TAFA1: variants seen among roughly 807,000 people sequenced by gnomAD.
TAFA1 encodes the protein chemokine-like protein TAFA-1.
In TAFA1, 4 loss-of-function variants were observed where a neutral mutation model predicts 18.5. The observed-to-expected ratio is 0.22, with a 90% CI of 0.11 to 0.49. The LOEUF (loss-of-function observed/expected upper bound fraction) is 0.49, where lower values mean the gene tolerates loss of function less well. TAFA1 is among the 20% of genes least tolerant of loss of function. The pLI is 0.98. For missense variants in TAFA1, 147 were observed against 169.0 expected (o/e 0.87, Z 0.72); for synonymous variants, 56 against 55.2 (o/e 1.01, Z -0.06).
rs1300217609 is a variant in TAFA1 at position 68,012,562 on chromosome 3, A to G, written c.118+5818A>G. ...CACATACATAAAAATGTCAAAAAGG[A>G]TATAAACATCCTTTCTACAGTGGTA... On this transcript the variant is annotated intron_variant, in intron 2 of 4. Coordinates refer to ENST00000478136, the MANE Select transcript of TAFA1 (RefSeq NM_213609.4). Among the ~76,000 whole-genome samples the G allele has an allele frequency of 1.1e-4, 17 of 152,332 alleles. No individual in the cohort carries two copies. In the East Asian group the frequency reaches 2.9e-3, roughly 26 times the overall value.
chr3:68,029,843 C>T (rs1306937821), intron 2 of TAFA1, among the ~76,000 whole-genome samples: 1 of 152,202 alleles, frequency 6.6e-6, no homozygotes, highest in Non-Finnish European at 1.5e-5. Flanking sequence ...CTGGGGTTTT[C>T]TGTCTGAATG....
intron 2 of TAFA1, among the ~76,000 whole-genome samples, chr3:68,162,490 T>G (rs59989065): frequency 0.019 from 2,884 of 152,280 alleles, 95 homozygotes; most frequent in African/African-American, 0.065. Flanking sequence ...CTCACCTCCA[T>G]GGACCAGTGC....
intron 2 of TAFA1, among the ~76,000 whole-genome samples, chr3:68,194,972 G>C (rs577957623): frequency 2.0e-5 from 3 of 151,380 alleles, no homozygotes; most frequent in Admixed American, 2.0e-4. Context: ...TCAGTTTTTC[G>C]GTATGCCCAT....
At position 68,276,260 on chromosome 3, in the gene TAFA1, A is replaced by G. The variant is rs527544867; in HGVS notation, c.119-141020A>G. Among the ~76,000 whole-genome samples the G allele has an allele frequency of 4.6e-5, 7 of 152,230 alleles. No homozygotes were observed. The East Asian group carries it at 1.2e-3, about 25-fold the overall frequency. On this transcript the variant is annotated intron_variant, in intron 2 of 4. Coordinates refer to ENST00000478136, the MANE Select transcript of TAFA1 (RefSeq NM_213609.4). ...AAATTATCTAAAGCAACGCTTCTCA[A>G]CGTCAGTGCTATTAGCATTTGGGGC... is the stretch of plus-strand genomic sequence containing the variant.
chr3:68,174,367 G>A (rs7618868), intron 2 of TAFA1, among the ~76,000 whole-genome samples: 29,106 of 152,040 alleles, frequency 0.19, 3,172 homozygotes, highest in Middle Eastern at 0.28. Flanking sequence ...CTTTCCTGCC[G>A]CCAAGAAGAC....
intron 2 of TAFA1, among the ~76,000 whole-genome samples, chr3:68,177,547 G>C (rs1256444396): frequency 6.6e-6 from 1 of 152,152 alleles, no homozygotes; most frequent in African/African-American, 2.4e-5. Context: ...TTTGTGATTA[G>C]ATATATTGTC....
At chr3:68,480,944 C>A (rs959401876) in intron 3 of TAFA1, among the ~76,000 whole-genome samples, 1 of 152,092 alleles carries the variant, frequency 6.6e-6, no homozygotes, top group Non-Finnish European at 1.5e-5. Context: ...TAAGGGGCAA[C>A]CCGTTTTGCT....
intron 2 of TAFA1, among the ~76,000 whole-genome samples, chr3:68,413,994 G>C (rs1306495034): frequency 2.6e-5 from 4 of 152,050 alleles, no homozygotes; most frequent in Non-Finnish European, 5.9e-5. Context: ...ATGGAGGAAA[G>C]TCAAGGAGAG....
At chr3:68,287,302 T>C (rs547918450) in intron 2 of TAFA1, among the ~76,000 whole-genome samples, 13 of 152,308 alleles carry the variant, frequency 8.5e-5, no homozygotes, top group African/African-American at 3.1e-4. Flanking sequence ...CTGGCTGCTC[T>C]TTGCCCTTCG....
chr3:68,167,400 A>C (rs1430235040), intron 2 of TAFA1, among the ~76,000 whole-genome samples: 5 of 151,462 alleles, frequency 3.3e-5, no homozygotes, highest in African/African-American at 1.2e-4. Flanking sequence ...ACATGGTGAA[A>C]CCCCCGTCTC....
intron 2 of TAFA1, among the ~76,000 whole-genome samples, chr3:68,164,754 T>G (rs1355516422): frequency 1.3e-5 from 2 of 152,122 alleles, no homozygotes; most frequent in South Asian, 4.1e-4. Flanking sequence ...TTATCTATGA[T>G]GTATTTTTCC....
intron 2 of TAFA1, among the ~76,000 whole-genome samples, chr3:68,168,144 C>CCAAAAA (rs1553647736): frequency 8.6e-6 from 1 of 116,482 alleles, no homozygotes; most frequent in Admixed American, 9.4e-5. Context: ...TTTTCAGATA[C>CCAAAAA]AAAAAAAAAA....
intron 3 of TAFA1, among the ~76,000 whole-genome samples, chr3:68,525,157 T>G (rs2073089911): frequency 6.6e-6 from 1 of 152,220 alleles, no homozygotes; most frequent in South Asian, 2.1e-4. Flanking sequence ...CCTGGTCTCC[T>G]TTGATTATTT....
chr3:68,044,119 C>A (rs546786394), intron 2 of TAFA1, among the ~76,000 whole-genome samples: 1 of 152,228 alleles, frequency 6.6e-6, no homozygotes, highest in South Asian at 2.1e-4. Context: ...GGATGAGAAC[C>A]CTTTCTGTTA....
chr3:68,506,558 G>T (rs1474642964), intron 3 of TAFA1, among the ~76,000 whole-genome samples: 1 of 152,130 alleles, frequency 6.6e-6, no homozygotes, highest in East Asian at 1.9e-4. Flanking sequence ...TGGAAACACT[G>T]TGTGGGCATA....
intron 3 of TAFA1, among the ~76,000 whole-genome samples, chr3:68,521,396 C>T (rs2073019084): frequency 6.6e-6 from 1 of 152,162 alleles, no homozygotes; most frequent in African/African-American, 2.4e-5. Context: ...AGCCAATTTA[C>T]AATGCTGGTC....
At chr3:68,354,836 G>C (rs1028861547) in intron 2 of TAFA1, among the ~76,000 whole-genome samples, 11 of 151,862 alleles carry the variant, frequency 7.2e-5, no homozygotes, top group Non-Finnish European at 1.6e-4. Flanking sequence ...AGATAAACTT[G>C]TCCCCTCAAG....
chr3:68,315,916 C>A (rs761377976), intron 2 of TAFA1, among the ~76,000 whole-genome samples: 1 of 151,946 alleles, frequency 6.6e-6, no homozygotes, highest in Non-Finnish European at 1.5e-5. Flanking sequence ...TCTGGGCAGT[C>A]GATGAAATTC....
At chr3:68,327,547 C>G (rs1437780468) in intron 2 of TAFA1, among the ~76,000 whole-genome samples, 2 of 152,228 alleles carry the variant, frequency 1.3e-5, no homozygotes, top group African/African-American at 4.8e-5. Context: ...TGAAACATCT[C>G]TAAGCTTCAA....
Sources: gnomAD v4.1 joint callset for allele counts (sites outside exome capture counted in the v4.1 genomes callset) on GRCh38, gnomAD v4.1.1 for gene constraint, MANE v1.5 for transcripts, NCBI Gene and HGNC (gene_info 2026-07-23, HGNC 2026-07-21) for gene names.